PWWP2B: variants seen among roughly 807,000 people sequenced by gnomAD.
PWWP2B encodes PWWP domain containing 2B.
In PWWP2B, 9 loss-of-function variants were observed where a neutral mutation model predicts 15.5. The observed-to-expected ratio is 0.58, with a 90% CI of 0.35 to 1.02. The LOEUF is 1.02. PWWP2B is among the 50% of genes least tolerant of loss of function. The pLI is 0.02. For synonymous variants in PWWP2B, 474 were observed against 403.6 expected, an observed-to-expected ratio of 1.17 and a Z score of -2.09; for missense variants, 864 against 865.3, an observed-to-expected ratio of 1.00 and a Z score of 0.02.
intron 2 of PWWP2B, among the ~76,000 whole-genome samples, chr10:132,411,102 G>C (rs7076613): frequency 6.6e-6 from 1 of 152,188 alleles, no homozygotes; most frequent in Non-Finnish European, 1.5e-5. Context: ...GACCACAGGC[G>C]TTTATTCCCA....
Position 132,397,323 on chromosome 10 carries a change from G to T in PWWP2B, c.97G>T (p.Ala33Ser). Residue 33 changes from alanine (A) to serine (S), a missense_variant, in exon 1 of 3, where the codon GCG (alanine) becomes TCG (serine). Physicochemically the swap from Ala to Ser is moderately conservative, Grantham distance 99. This residue lies in a region of PWWP2B where 736 missense variants were observed against 687.7 expected (regional missense o/e 1.07). Transcript: ENST00000305233. ...GGTGAGCTGCGGCGAGCGGAGCTTC[G>T]CGGGGATCCTGCTGGACTGCACGAA... ...VTVSCGERSF[A>S]GILLDCTKKS... 7.0e-7 allele frequency: 1 copy of T among 1,431,962 alleles called. No individual in the cohort carries two copies. The highest frequency in any genetic ancestry group is 9.2e-7 in the Non-Finnish European group (1 of 1,082,488). The allele number at this position is 1,431,962 out of a possible 1,614,324, so 88.7% of individuals were successfully genotyped here.
At chr10:132,406,648 C>G (rs1449593944) in intron 2 of PWWP2B, among the ~76,000 whole-genome samples, 1 of 152,218 alleles carries the variant, frequency 6.6e-6, no homozygotes, top group East Asian at 1.9e-4. Flanking sequence ...GAGGGGAGAG[C>G]CCAGGCTGAG....
Position 132,397,283 on chromosome 10 carries a change from C to A in PWWP2B, c.57C>A (p.Gly19=). The change falls in exon 1 of 3, where the codon GGC becomes GGA. Residue 19 remains glycine (G), a synonymous_variant. Transcript: ENST00000305233. ...TGCGGGTGGAGCAGGTCGTCAACGG[C>A]GCGCTGGTGGTCACGGTGAGCTGCG... ...LPVRVEQVVN[G]ALVVTVSCGE... 1 of 1,414,258 alleles carries A rather than the reference C, an allele frequency of 7.1e-7. No individual in the cohort carries two copies. The highest frequency in any genetic ancestry group is 1.5e-5 in the South Asian group (1 of 64,878). The allele number at this position is 1,414,258 out of a possible 1,614,324, so 87.6% of individuals were successfully genotyped here. A position where few individuals can be genotyped will look rare whatever the true frequency, so the allele number is the denominator to read the frequency against.
intron 2 of PWWP2B, among the ~76,000 whole-genome samples, chr10:132,410,927 T>TGA (rs1198289211): frequency 6.6e-6 from 1 of 152,150 alleles, no homozygotes; most frequent in Non-Finnish European, 1.5e-5. Flanking sequence ...TTTCCCCTCC[T>TGA]GCCCTGGCAG....
Position 132,417,123 on chromosome 10 carries a change from TGA to T in PWWP2B, c.*81_*82del. 1 of 1,612,032 alleles carries T rather than the reference TGA, an allele frequency of 6.2e-7. No individual in the cohort carries two copies. ...TTCCGATCTCTGTTCGGGGACCCTGTGAGCCTTCTGGCCGGCTGCGTGCAGAG... is the reference window on the plus strand; with the variant it reads ...TTCCGATCTCTGTTCGGGGACCCTGTGCCTTCTGGCCGGCTGCGTGCAGAG... On this transcript the variant is annotated 3_prime_UTR_variant, in exon 3 of 3. Transcript: ENST00000305233.
chr10:132,412,575 G>A (rs1193998477), intron 2 of PWWP2B, among the ~76,000 whole-genome samples: 1 of 152,214 alleles, frequency 6.6e-6, no homozygotes, highest in African/African-American at 2.4e-5. Context: ...TCCCGATCAA[G>A]TTCACCCAGG....
chr10:132,412,752 C>T (rs1173533706), intron 2 of PWWP2B, among the ~76,000 whole-genome samples: 1 of 152,204 alleles, frequency 6.6e-6, no homozygotes, highest in Non-Finnish European at 1.5e-5. Context: ...CTTGCGGCCA[C>T]CCCCCGCTTG....
intron 2 of PWWP2B, among the ~76,000 whole-genome samples, chr10:132,409,623 C>A (rs1322082751): frequency 6.9e-6 from 1 of 145,592 alleles, no homozygotes; most frequent in Non-Finnish European, 1.5e-5. Flanking sequence ...CCTGGTCTCT[C>A]CCTCACCACC....
chr10:132,409,157 G>A (rs533796005), intron 2 of PWWP2B, among the ~76,000 whole-genome samples: 16 of 152,304 alleles, frequency 1.1e-4, no homozygotes, highest in African/African-American at 3.1e-4. Flanking sequence ...TGAGTGAGCC[G>A]CACTCCACCC....
chr10:132,406,505 C>T (rs1484663581), intron 2 of PWWP2B, among the ~76,000 whole-genome samples: 3 of 152,256 alleles, frequency 2.0e-5, no homozygotes, highest in Admixed American at 6.5e-5. Context: ...GCAAGGAGGC[C>T]AGCCACCGCT....
In PWWP2B at chr10:132,417,273, C is replaced by T. The variant is rs1362351444; in HGVS notation, c.*229C>T. On this transcript the variant is annotated 3_prime_UTR_variant, in exon 3 of 3. Coordinates refer to ENST00000305233, the MANE Select transcript of PWWP2B (RefSeq NM_138499.4). Reference sequence around the variant, plus strand: ...GAGTGTATTTCTTCCCACCACTCAGCGCATGGCTGCCCTGGCTCACGAGGC... The same window carrying T: ...GAGTGTATTTCTTCCCACCACTCAGTGCATGGCTGCCCTGGCTCACGAGGC... 1.9e-5 allele frequency: 12 copies of T among 622,652 alleles called. No homozygotes were observed. Among genetic ancestry groups the T allele is most frequent in the Middle Eastern group, 3.5e-4 (1 of 2,836 alleles). 38.6% of individuals were successfully genotyped at this position (622,652 alleles called of 1,614,324 possible).
intron 1 of PWWP2B, among the ~76,000 whole-genome samples, chr10:132,401,822 A>G (rs1177048674): frequency 6.6e-6 from 1 of 152,222 alleles, no homozygotes; most frequent in East Asian, 1.9e-4. Flanking sequence ...TTGCTCAAGG[A>G]GGGCAGGAGC....
At chr10:132,412,253 C>T (rs1052142634) in intron 2 of PWWP2B, among the ~76,000 whole-genome samples, 4 of 152,364 alleles carry the variant, frequency 2.6e-5, no homozygotes, top group East Asian at 3.9e-4. Context: ...CAAAGCCAAG[C>T]GTTGTGCCCA....
At chr10:132,411,928 G>A (rs2069787351) in intron 2 of PWWP2B, among the ~76,000 whole-genome samples, 1 of 152,246 alleles carries the variant, frequency 6.6e-6, no homozygotes, top group South Asian at 2.1e-4. Flanking sequence ...TGACTTCCCT[G>A]CGTTGCTTTC....
intron 1 of PWWP2B, among the ~76,000 whole-genome samples, chr10:132,404,386 C>G (rs544496034): frequency 6.6e-6 from 1 of 152,160 alleles, no homozygotes; most frequent in Non-Finnish European, 1.5e-5. Flanking sequence ...GCTGACCTCC[C>G]GGCCATATGC....
intron 1 of PWWP2B, among the ~76,000 whole-genome samples, chr10:132,400,883 G>A (rs1480320130): frequency 6.6e-6 from 1 of 152,248 alleles, no homozygotes; most frequent in Non-Finnish European, 1.5e-5. Context: ...ATGTGGGCCC[G>A]GGAGGCCAGG....
At chr10:132,398,350 G>C (rs2069565811) in intron 1 of PWWP2B, among the ~76,000 whole-genome samples, 1 of 152,262 alleles carries the variant, frequency 6.6e-6, no homozygotes, top group South Asian at 2.1e-4. Context: ...TGTGGTTCCT[G>C]CCCGCTCCGT....
chr10:132,403,942 C>T (rs543139326), intron 1 of PWWP2B, among the ~76,000 whole-genome samples: 1 of 151,712 alleles, frequency 6.6e-6, no homozygotes, highest in South Asian at 2.1e-4. Context: ...CCCCGGGCCA[C>T]GCGCAGCCCC....
intron 2 of PWWP2B, among the ~76,000 whole-genome samples, chr10:132,409,521 G>C (rs1302737587): frequency 1.3e-5 from 2 of 152,188 alleles, no homozygotes; most frequent in Non-Finnish European, 2.9e-5. Flanking sequence ...CACCGAGCCT[G>C]AGAGGGGAAG....
Sources: allele counts gnomAD v4.1 joint callset (sites outside exome capture counted in the v4.1 genomes callset), GRCh38; gene constraint gnomAD v4.1.1; regional missense constraint gnomAD v4.1.1; transcripts MANE v1.5; gene names NCBI Gene and HGNC (gene_info 2026-07-23, HGNC 2026-07-21).